The following SUZ12 variants were observed in gnomAD, a reference collection of about 807,000 sequenced individuals.
The protein encoded by SUZ12 is SUZ12 polycomb repressive complex 2 subunit.
Under a neutral mutation model 87.3 loss-of-function variants are expected in SUZ12, and 17 were observed. That is an observed-to-expected ratio of 0.19 (90% CI 0.13 to 0.29). SUZ12 has a LOEUF of 0.29. SUZ12 is among the 10% of genes least tolerant of loss of function. The pLI, the probability that SUZ12 is intolerant of heterozygous loss-of-function variation, is 1.00. For synonymous variants in SUZ12, 253 were observed against 312.4 expected, an observed-to-expected ratio of 0.81 and a Z score of 2.01; for missense variants, 526 against 912.2, an observed-to-expected ratio of 0.58 and a Z score of 5.45.
intron 4 of SUZ12, among the ~76,000 whole-genome samples, chr17:31,956,925 G>A (rs1270190642): frequency 3.3e-5 from 5 of 152,078 alleles, no homozygotes; most frequent in Non-Finnish European, 7.4e-5. Context: ...ATAGGCATGT[G>A]CCACCACGCC....
chr17:31,998,604 G>T, intron 15 of SUZ12, 54 bp from the exon 16 acceptor site: 1 of 1,300,038 alleles, frequency 7.7e-7, no homozygotes. Context: ...TATCACTGTT[G>T]CATTTGACAA....
intron 15 of SUZ12, among the ~76,000 whole-genome samples, chr17:31,998,338 C>T (rs1910090913): frequency 6.6e-6 from 1 of 152,082 alleles, no homozygotes. Flanking sequence ...CTCGGCCTCC[C>T]AAAGTGCTAG....
chr17:31,974,492 A>G (rs1010578350), intron 6 of SUZ12, among the ~76,000 whole-genome samples: 1 of 152,178 alleles, frequency 6.6e-6, no homozygotes, highest in African/African-American at 2.4e-5. Flanking sequence ...GCACAACTGC[A>G]CTCCAGCCTT....
At chr17:31,964,264 A>T (rs571126025) in intron 4 of SUZ12, among the ~76,000 whole-genome samples, 3 of 151,314 alleles carry the variant, frequency 2.0e-5, no homozygotes, top group African/African-American at 7.3e-5. Context: ...TGATCTCTTG[A>T]TCCTCCTGTC....
In SUZ12 at chr17:31,993,266, A is replaced by C; in HGVS notation, c.1226A>C (p.Asp409Ala). 6.3e-7 allele frequency: 1 copy of C among 1,583,110 alleles called. No homozygotes were observed. The highest frequency in any genetic ancestry group is 8.5e-7 in the Non-Finnish European group (1 of 1,170,820). The change falls in exon 11 of 16, where the codon GAT becomes GCT. Residue 409 changes from aspartate to alanine, a missense_variant. This residue lies in a region of SUZ12 where 85 missense variants were observed against 87.4 expected (regional missense o/e 0.97). Coordinates refer to ENST00000322652, the MANE Select transcript of SUZ12 (RefSeq NM_015355.4). ...TIAVKESLTT[D>A]LQTRKEKDTP... ...GCTGTTAAAGAATCATTGACTACAG[A>C]TCTACAAACAAGAAAAGAAAAGGAT...
intron 8 of SUZ12, among the ~76,000 whole-genome samples, chr17:31,976,924 A>G (rs548486948): frequency 1.3e-5 from 2 of 152,348 alleles, no homozygotes; most frequent in Non-Finnish European, 2.9e-5. Flanking sequence ...ATGGAGCTTA[A>G]CTTTTAGTGG....
chr17:31,998,982 G>A lies in SUZ12; in HGVS notation c.2199G>A (p.Gln733=). 1 of 1,550,924 alleles carries A rather than the reference G, an allele frequency of 6.4e-7. No homozygotes were observed. Among genetic ancestry groups the A allele is most frequent in the Non-Finnish European group, 8.7e-7 (1 of 1,155,418 alleles). ...ATAGTGTCTCAGGGGTTTCAAAACA[G>A]AGCAAAAAACAAAAACTCTGAAAAG... The part of the protein sequence containing the change: ...ETDSVSGVSK[Q]SKKQKL Residue 733 remains glutamine, a synonymous_variant, in exon 16 of 16, where the codon CAG becomes CAA. Coordinates refer to ENST00000322652, the MANE Select transcript of SUZ12 (RefSeq NM_015355.4).
At chr17:31,995,854 ACT>A in intron 14 of SUZ12, 92 bp downstream of exon 14, 4 of 941,266 alleles carry the variant, frequency 4.2e-6, no homozygotes, top group Non-Finnish European at 4.7e-6. Flanking sequence ...TTGTAAAGGA[ACT>A]TTTTTTAAAA....
intron 4 of SUZ12, among the ~76,000 whole-genome samples, chr17:31,964,463 A>G (rs1420001885): frequency 3.4e-5 from 5 of 147,166 alleles, no homozygotes; most frequent in African/African-American, 5.0e-5. Context: ...CTGGAGTGCA[A>G]TGGCGCAATC....
At chr17:31,963,381 G>C (rs1460896130) in intron 4 of SUZ12, among the ~76,000 whole-genome samples, 1 of 152,058 alleles carries the variant, frequency 6.6e-6, no homozygotes, top group Admixed American at 6.6e-5. Flanking sequence ...CTGACCTCGT[G>C]ATCCACCCGC....
chr17:31,990,863 T>G (rs962560134), intron 10 of SUZ12, among the ~76,000 whole-genome samples: 2 of 152,110 alleles, frequency 1.3e-5, no homozygotes, highest in East Asian at 1.9e-4. Context: ...TCCTCCCACC[T>G]TAGCCCTCCA....
chr17:31,971,246 A>C (rs1210739731), intron 5 of SUZ12, among the ~76,000 whole-genome samples: 3 of 152,124 alleles, frequency 2.0e-5, no homozygotes, highest in African/African-American at 4.8e-5. Context: ...CCTTTTGGCC[A>C]CAAGTCTTGG....
In SUZ12 at chr17:31,994,809, C is replaced by G. The variant is rs75931574; in HGVS notation, c.1595+88C>G. On this transcript the variant is annotated intron_variant, in intron 13 of 15. Coordinates refer to ENST00000322652, the MANE Select transcript of SUZ12 (RefSeq NM_015355.4). ...AAGGAGCCAGATGAAGCTACTAGTTCGTTAGGTGGAAATTATTATTTTTCA... is the reference window on the plus strand; with the variant it reads ...AAGGAGCCAGATGAAGCTACTAGTTGGTTAGGTGGAAATTATTATTTTTCA... 4 of 1,402,290 alleles carry G rather than the reference C, an allele frequency of 2.9e-6. No individual in the cohort carries two copies. The Admixed American group carries it at 9.1e-5, about 32-fold the overall frequency. 86.9% of individuals were successfully genotyped at this position (1,402,290 alleles called of 1,614,324 possible).
chr17:31,982,974 T>G, intron 8 of SUZ12, 25 bp from the exon 9 acceptor site: 1 of 1,581,266 alleles, frequency 6.3e-7, no homozygotes, highest in Non-Finnish European at 8.6e-7. Context: ...CAGGTTACTT[T>G]AAAGTATATG....
chr17:31,949,731 G>C (rs923917257), intron 4 of SUZ12, among the ~76,000 whole-genome samples: 5 of 112,202 alleles, frequency 4.5e-5, no homozygotes, highest in Non-Finnish European at 8.6e-5. Context: ...TCTTGCTGAG[G>C]CTGGAGTGCA....
chr17:31,992,429 T>C (rs1909766835), intron 10 of SUZ12, among the ~76,000 whole-genome samples: 1 of 152,102 alleles, frequency 6.6e-6, no homozygotes, highest in South Asian at 2.1e-4. Context: ...TTCCTTTTTT[T>C]GACAGAGTCT....
intron 9 of SUZ12, among the ~76,000 whole-genome samples, chr17:31,986,718 A>G (rs1909440152): frequency 6.6e-6 from 1 of 151,892 alleles, no homozygotes. Flanking sequence ...TGCCCAGCTA[A>G]TTTTTTGTAT....
At chr17:31,939,663 A>G (rs914762160) in intron 1 of SUZ12, among the ~76,000 whole-genome samples, 9 of 152,064 alleles carry the variant, frequency 5.9e-5, no homozygotes, top group African/African-American at 2.2e-4. Context: ...AGCTGGGATT[A>G]CAGGCATGCG....
chr17:31,937,139 C>CAA lies in SUZ12; in HGVS notation c.-108_-107insAA, dbSNP rs1905972876. 1.0e-6 allele frequency: 1 copy of CAA among 967,530 alleles called. No individual in the cohort carries two copies. Among genetic ancestry groups the CAA allele is most frequent in the Non-Finnish European group, 1.4e-6 (1 of 716,600 alleles). 59.9% of individuals were successfully genotyped at this position (967,530 alleles called of 1,614,324 possible). A position where few individuals can be genotyped will look rare whatever the true frequency, so the allele number is the denominator to read the frequency against. On this transcript the variant is annotated 5_prime_UTR_variant, in exon 1 of 16. Coordinates refer to ENST00000322652, the MANE Select transcript of SUZ12 (RefSeq NM_015355.4). ...CCTCTCCTCCCCTCTCTCCTCCTTC[C>CAA]CCCCTCGGTCCGCCGGAGCCTGCTG...
Sources: allele counts gnomAD v4.1 joint callset (sites outside exome capture counted in the v4.1 genomes callset), GRCh38; gene constraint gnomAD v4.1.1; regional missense constraint gnomAD v4.1.1; transcripts MANE v1.5; gene names NCBI Gene and HGNC (gene_info 2026-07-23, HGNC 2026-07-21).